METAP1: variants seen among roughly 807,000 people sequenced by gnomAD.
The protein encoded by METAP1 is methionyl aminopeptidase 1.
Under a neutral mutation model 53.8 loss-of-function variants are expected in METAP1, and 28 were observed. That is an observed-to-expected ratio of 0.52 (90% CI 0.39 to 0.71). The LOEUF (loss-of-function observed/expected upper bound fraction) is 0.71. Ranked by LOEUF, METAP1 falls within the 30% of genes least tolerant of loss-of-function variation. METAP1 has a pLI of 0.00. For missense variants in METAP1, 389 were observed against 479.8 expected (o/e 0.81, Z 1.77); for synonymous variants, 181 against 165.7 (o/e 1.09, Z -0.71).
intron 2 of METAP1, among the ~76,000 whole-genome samples, chr4:99,032,653 GC>G (rs1185308753): frequency 2.0e-5 from 3 of 152,162 alleles, no homozygotes; most frequent in Non-Finnish European, 4.4e-5. Flanking sequence ...AGTGCAAAAA[GC>G]CTGCGTCTTG....
At chr4:99,036,331 A>G (rs911533205) in intron 4 of METAP1, among the ~76,000 whole-genome samples, 3 of 152,220 alleles carry the variant, frequency 2.0e-5, no homozygotes, top group East Asian at 3.9e-4. Flanking sequence ...TTTAAGGGAA[A>G]GATAGTCTAA....
intron 1 of METAP1, among the ~76,000 whole-genome samples, chr4:99,005,122 A>C (rs992546660): frequency 6.6e-6 from 1 of 152,194 alleles, no homozygotes; most frequent in African/African-American, 2.4e-5. Flanking sequence ...TTGTACTTCA[A>C]AATAAATAAT....
chr4:99,005,333 A>G (rs1319703334), intron 1 of METAP1, among the ~76,000 whole-genome samples: 1 of 152,240 alleles, frequency 6.6e-6, no homozygotes, highest in Non-Finnish European at 1.5e-5. Context: ...AAATGACCTA[A>G]ATAGAATTTT....
chr4:99,057,270 A>T (rs987992188), intron 9 of METAP1, among the ~76,000 whole-genome samples: 1 of 152,236 alleles, frequency 6.6e-6, no homozygotes, highest in Non-Finnish European at 1.5e-5. Context: ...TGTAGTTTCT[A>T]TGGGCTGTGC....
intron 1 of METAP1, 72 bp downstream of exon 1, chr4:98,995,939 C>T: frequency 8.0e-7 from 1 of 1,254,790 alleles, no homozygotes; most frequent in South Asian, 1.3e-5. Flanking sequence ...GCTGGCTCCT[C>T]CCGCCCTTGC....
intron 1 of METAP1, among the ~76,000 whole-genome samples, chr4:99,009,235 T>C (rs1054134126): frequency 2.0e-5 from 3 of 152,266 alleles, no homozygotes; most frequent in African/African-American, 7.2e-5. Flanking sequence ...TTTCATTTTA[T>C]GTGTACCGCA....
intron 8 of METAP1, among the ~76,000 whole-genome samples, chr4:99,045,748 G>A (rs62325197): frequency 0.037 from 5,652 of 151,986 alleles, 134 homozygotes; most frequent in African/African-American, 0.059. Context: ...TCCCATTACC[G>A]TTTAGGTTTT....
At position 99,057,121 on chromosome 4, in the gene METAP1, G is replaced by A. The variant is rs149522021; in HGVS notation, c.932-632G>A. ...CTGCCTCAGGTGATCCACCTGCCTC[G>A]GCTTCCCAAAGTGCTGGGATTATAG... On this transcript the variant is annotated intron_variant, in intron 9 of 10. Transcript: ENST00000296411. Among the ~76,000 whole-genome samples the A allele has an allele frequency of 7.1e-3, 1,083 of 152,244 alleles. 8 individuals are homozygous for A. The highest frequency in any genetic ancestry group is 0.024 in the African/African-American group (1,012 of 41,546).
At chr4:99,043,875 G>A (rs1726041783) in intron 7 of METAP1, among the ~76,000 whole-genome samples, 1 of 152,158 alleles carries the variant, frequency 6.6e-6, no homozygotes, top group Non-Finnish European at 1.5e-5. Flanking sequence ...AGAGAGTAGA[G>A]GAAGTAGTTT....
chr4:99,058,008 C>T (rs1244555209), intron 10 of METAP1, among the ~76,000 whole-genome samples, 190 bp downstream of exon 10: 2 of 151,988 alleles, frequency 1.3e-5, no homozygotes, highest in Non-Finnish European at 2.9e-5. Flanking sequence ...ATGGGTTCTG[C>T]GTGGTAGTCT....
At chr4:99,041,654 A>C (rs1258000839) in intron 6 of METAP1, among the ~76,000 whole-genome samples, 2 of 152,052 alleles carry the variant, frequency 1.3e-5, no homozygotes, top group South Asian at 4.1e-4. Flanking sequence ...AAAAAGAGTG[A>C]TAAGTAGTTA....
intron 8 of METAP1, 114 bp downstream of exon 8, chr4:99,045,424 C>T: frequency 2.6e-6 from 3 of 1,158,660 alleles, no homozygotes; most frequent in Non-Finnish European, 3.5e-6. Flanking sequence ...CCTGTTCTAC[C>T]TGAGTTAGCT....
intron 5 of METAP1, among the ~76,000 whole-genome samples, chr4:99,040,657 CT>C (rs11308360): frequency 0.67 from 89,710 of 133,872 alleles, 30,663 homozygotes; most frequent in East Asian, 0.98. Flanking sequence ...CACCTGACTA[CT>C]TTTTTTTTTT....
chr4:99,012,049 G>A (rs1560696970), intron 1 of METAP1, among the ~76,000 whole-genome samples: 1 of 152,080 alleles, frequency 6.6e-6, no homozygotes, highest in Non-Finnish European at 1.5e-5. Flanking sequence ...CTAAGGGTTG[G>A]CCACTTTCTT....
chr4:99,016,187 T>C (rs1723755281), intron 1 of METAP1, among the ~76,000 whole-genome samples: 1 of 152,194 alleles, frequency 6.6e-6, no homozygotes, highest in Non-Finnish European at 1.5e-5. Flanking sequence ...TCCAAATATG[T>C]TATTTCTAAG....
chr4:99,050,741 G>A (rs913260263), intron 9 of METAP1, among the ~76,000 whole-genome samples: 2 of 152,058 alleles, frequency 1.3e-5, no homozygotes, highest in Admixed American at 6.6e-5. Flanking sequence ...TCTAGGTTGC[G>A]CACTCCGTAT....
chr4:99,013,908 C>T (rs1723611848), intron 1 of METAP1, among the ~76,000 whole-genome samples: 2 of 152,190 alleles, frequency 1.3e-5, no homozygotes, highest in South Asian at 4.1e-4. Context: ...AGGAACTTCT[C>T]CATTCCTTTC....
chr4:99,024,321 A>G (rs1724392696), intron 1 of METAP1, among the ~76,000 whole-genome samples: 1 of 152,206 alleles, frequency 6.6e-6, no homozygotes. Flanking sequence ...CTCTTGAGAC[A>G]GGAGTCTTGC....
At chr4:99,059,596 T>A (rs1377521329) in intron 10 of METAP1, among the ~76,000 whole-genome samples, 2 of 152,208 alleles carry the variant, frequency 1.3e-5, no homozygotes, top group Admixed American at 6.5e-5. Flanking sequence ...GATTTTTTTT[T>A]AACATCTAAT....
Sources: allele counts gnomAD v4.1 joint callset (sites outside exome capture counted in the v4.1 genomes callset), GRCh38; gene constraint gnomAD v4.1.1; transcripts MANE v1.5; gene names NCBI Gene and HGNC (gene_info 2026-07-23, HGNC 2026-07-21).